The following ZDHHC14 variants were observed in gnomAD, a reference collection of about 807,000 sequenced individuals.
The protein encoded by ZDHHC14 is zDHHC palmitoyltransferase 14, also known as palmitoyltransferase ZDHHC14.
A neutral mutation model predicts 47.7 loss-of-function variants in ZDHHC14; 16 were observed. The ratio of observed to expected loss-of-function variants is 0.34; its 90% CI spans 0.23 to 0.51. The LOEUF (loss-of-function observed/expected upper bound fraction) is 0.51, where lower values mean the gene tolerates loss of function less well. Ranked by LOEUF, ZDHHC14 falls within the 20% of genes least tolerant of loss-of-function variation. ZDHHC14 has a pLI of 0.97. For synonymous variants in ZDHHC14, 293 were observed against 278.9 expected (o/e 1.05, Z -0.50); for missense variants, 515 against 662.5 (o/e 0.78, Z 2.44).
chr6:157,571,218 C>T (rs557747389), intron 2 of ZDHHC14, among the ~76,000 whole-genome samples: 261 of 152,330 alleles, frequency 1.7e-3, no homozygotes, highest in Middle Eastern at 6.8e-3. Context: ...CCTATGTGCA[C>T]GAGAGCATTC....
chr6:157,432,051 T>C (rs923740430), intron 1 of ZDHHC14, among the ~76,000 whole-genome samples: 1 of 152,084 alleles, frequency 6.6e-6, no homozygotes, highest in African/African-American at 2.4e-5. Context: ...AAGGGAAATG[T>C]TGCTTTCATT....
intron 1 of ZDHHC14, among the ~76,000 whole-genome samples, chr6:157,434,218 T>TTATATATATATATATA (rs373321908): frequency 0.012 from 1,756 of 146,420 alleles, 27 homozygotes; most frequent in East Asian, 0.04. Context: ...GCTTATAATT[T>TTATATATATATATATA]TATATATATA....
intron 3 of ZDHHC14, among the ~76,000 whole-genome samples, chr6:157,626,892 G>A (rs577153962): frequency 2.4e-5 from 2 of 84,474 alleles, no homozygotes; most frequent in South Asian, 2.7e-4. Context: ...TTTCCAGCTG[G>A]GGGGGGGGCG....
intron 1 of ZDHHC14, among the ~76,000 whole-genome samples, chr6:157,390,138 G>T (rs890290607): frequency 6.6e-6 from 1 of 151,798 alleles, no homozygotes; most frequent in Non-Finnish European, 1.5e-5. Flanking sequence ...GTTCATTTTT[G>T]TCTTCATTTT....
At chr6:157,620,108 AAT>A (rs530681633) in intron 3 of ZDHHC14, among the ~76,000 whole-genome samples, 4 of 152,224 alleles carry the variant, frequency 2.6e-5, no homozygotes, top group Non-Finnish European at 5.9e-5. Context: ...TTGCTATAAC[AAT>A]ACCTGAGACT....
chr6:157,488,829 C>T (rs1330022246), intron 1 of ZDHHC14, among the ~76,000 whole-genome samples: 4 of 152,214 alleles, frequency 2.6e-5, no homozygotes, highest in African/African-American at 9.7e-5. Context: ...CAGGGCACCC[C>T]GCCCCCCTTC....
chr6:157,582,351 G>A lies in ZDHHC14; in HGVS notation c.407-10637G>A, dbSNP rs190819800. 1.7e-4 allele frequency among the ~76,000 whole-genome samples: 26 copies of A among 152,340 alleles called. No individual in the cohort carries two copies. Among genetic ancestry groups the A allele is most frequent in the African/African-American group, 6.0e-4 (25 of 41,582 alleles). On this transcript the variant is annotated intron_variant, in intron 2 of 8. Transcript: ENST00000359775. The surrounding 1 kb of genome is among the most constrained non-coding windows in gnomAD (Gnocchi z 4.3). ...GAGTCACCAGTCTGTGTACTTGAGTGTGTTTTTGTAGTGGCTGGTAATGGT... is the reference window on the plus strand; with the variant it reads ...GAGTCACCAGTCTGTGTACTTGAGTATGTTTTTGTAGTGGCTGGTAATGGT...
intron 1 of ZDHHC14, among the ~76,000 whole-genome samples, chr6:157,513,608 T>C (rs1780572830): frequency 6.6e-6 from 1 of 152,234 alleles, no homozygotes; most frequent in Non-Finnish European, 1.5e-5. Context: ...GGCACATCAC[T>C]AAATACCATA....
intron 5 of ZDHHC14, among the ~76,000 whole-genome samples, chr6:157,644,142 G>A (rs998799734): frequency 2.6e-5 from 4 of 152,208 alleles, no homozygotes; most frequent in African/African-American, 4.8e-5. Flanking sequence ...ACTGGCTCCC[G>A]CATTGTGTTC....
At chr6:157,422,827 A>G (rs569607084) in intron 1 of ZDHHC14, among the ~76,000 whole-genome samples, 1 of 152,156 alleles carries the variant, frequency 6.6e-6, no homozygotes, top group East Asian at 1.9e-4. Context: ...TCTGTATTTT[A>G]TATACTTCTT....
intron 1 of ZDHHC14, among the ~76,000 whole-genome samples, chr6:157,420,524 A>G (rs559003031): frequency 6.6e-6 from 1 of 152,004 alleles, no homozygotes; most frequent in East Asian, 1.9e-4. Flanking sequence ...AATGAAGGAG[A>G]GGAGGTGTAG....
Position 157,621,448 on chromosome 6 carries a change from A to G in ZDHHC14, c.566-6901A>G, listed in dbSNP as rs554319866. ...ATTTAAATTAGAAATTTAAACTTCA[A>G]TTGCACATTTCCATCTATTTTCCAC... On this transcript the variant is annotated intron_variant, in intron 3 of 8. Coordinates refer to ENST00000359775, the MANE Select transcript of ZDHHC14 (RefSeq NM_024630.3). Among the ~76,000 whole-genome samples the G allele has an allele frequency of 1.2e-4, 18 of 152,278 alleles. No homozygotes were observed. In the East Asian group the frequency reaches 3.3e-3, roughly 28 times the overall value.
chr6:157,569,999 A>C lies in ZDHHC14; in HGVS notation c.407-22989A>C, dbSNP rs575103779. Among the ~76,000 whole-genome samples, 4 of 152,334 alleles carry C rather than the reference A, an allele frequency of 2.6e-5. No homozygotes were observed. The South Asian group carries it at 8.3e-4, about 32-fold the overall frequency. On this transcript the variant is annotated intron_variant, in intron 2 of 8. Coordinates refer to ENST00000359775, the MANE Select transcript of ZDHHC14 (RefSeq NM_024630.3). ...CTGTGTTGATTAGAGGCAAAAAAGAAAAGAGCTTAGGACCATAATAGATGG... is the reference window on the plus strand; with the variant it reads ...CTGTGTTGATTAGAGGCAAAAAAGACAAGAGCTTAGGACCATAATAGATGG...
At chr6:157,523,817 C>T (rs939818726) in intron 1 of ZDHHC14, among the ~76,000 whole-genome samples, 1 of 151,904 alleles carries the variant, frequency 6.6e-6, no homozygotes, top group Non-Finnish European at 1.5e-5. Flanking sequence ...GGGAGGATTG[C>T]TTGAGCGCAA....
intron 1 of ZDHHC14, among the ~76,000 whole-genome samples, chr6:157,439,478 A>G (rs1376514922): frequency 1.3e-5 from 2 of 152,230 alleles, no homozygotes; most frequent in Non-Finnish European, 2.9e-5. Context: ...CACACCAGTC[A>G]GAATGACCAT....
intron 1 of ZDHHC14, among the ~76,000 whole-genome samples, chr6:157,513,926 C>G (rs528363381): frequency 6.6e-6 from 1 of 151,964 alleles, no homozygotes; most frequent in Non-Finnish European, 1.5e-5. Flanking sequence ...CTTGGCTCAG[C>G]GAACAGTGAA....
At chr6:157,652,016 C>T (rs1777863135) in intron 7 of ZDHHC14, among the ~76,000 whole-genome samples, 1 of 152,228 alleles carries the variant, frequency 6.6e-6, no homozygotes, top group Non-Finnish European at 1.5e-5. Context: ...CTGCTCTTTT[C>T]CCCTCGGACC....
chr6:157,623,109 C>G (rs1263773915), intron 3 of ZDHHC14, among the ~76,000 whole-genome samples: 1 of 152,188 alleles, frequency 6.6e-6, no homozygotes, highest in Admixed American at 6.5e-5. Context: ...ATCCCCCACC[C>G]TCAGTATTCC....
intron 1 of ZDHHC14, among the ~76,000 whole-genome samples, chr6:157,386,930 C>T (rs1375651351): frequency 6.6e-6 from 1 of 152,106 alleles, no homozygotes; most frequent in Non-Finnish European, 1.5e-5. Context: ...CATAGTCTTG[C>T]TCACTGGGGC....
Sources: allele counts gnomAD v4.1 joint callset (sites outside exome capture counted in the v4.1 genomes callset), GRCh38; gene constraint gnomAD v4.1.1; non-coding constraint Gnocchi (gnomAD v3.1); transcripts MANE v1.5; gene names NCBI Gene and HGNC (gene_info 2026-07-23, HGNC 2026-07-21).